ROBO2: variants seen among roughly 807,000 people sequenced by gnomAD.
ROBO2 encodes the protein roundabout guidance receptor 2.
In ROBO2, 53 loss-of-function variants were observed where a neutral mutation model predicts 160.8. The ratio of observed to expected loss-of-function variants is 0.33; its 90% confidence interval spans 0.26 to 0.41. ROBO2 has a LOEUF of 0.41. Ranked by LOEUF, ROBO2 falls within the 10% of genes least tolerant of loss-of-function variation. ROBO2 has a pLI of 1.00. For synonymous variants in ROBO2, 664 were observed against 611.7 expected (o/e 1.09, Z -1.26); for missense variants, 1,577 against 1,722.4 (o/e 0.92, Z 1.49).
intron 2 of ROBO2, among the ~76,000 whole-genome samples, chr3:76,588,318 A>G (rs1421623342): frequency 1.3e-5 from 2 of 152,194 alleles, no homozygotes; most frequent in African/African-American, 4.8e-5. Context: ...AGAAGAATCT[A>G]TTAAATTCCC....
intron 2 of ROBO2, among the ~76,000 whole-genome samples, chr3:76,705,390 A>T (rs927803817): frequency 2.0e-5 from 3 of 152,160 alleles, no homozygotes; most frequent in Non-Finnish European, 2.9e-5. Context: ...TCATACACAC[A>T]GTGATAAATA....
intron 2 of ROBO2, among the ~76,000 whole-genome samples, chr3:76,310,136 C>G (rs2071509837): frequency 6.6e-6 from 1 of 152,186 alleles, no homozygotes; most frequent in South Asian, 2.1e-4. Flanking sequence ...CAAATTAGTT[C>G]ATTTTATATG....
intron 2 of ROBO2, among the ~76,000 whole-genome samples, chr3:77,159,266 A>G (rs549533237): frequency 2.0e-5 from 3 of 152,182 alleles, no homozygotes; most frequent in East Asian, 3.9e-4. Context: ...TGAAAATTCA[A>G]TTTCCCCCAA....
intron 2 of ROBO2, among the ~76,000 whole-genome samples, chr3:77,443,009 A>C (rs890088677): frequency 6.6e-5 from 10 of 152,236 alleles, no homozygotes; most frequent in African/African-American, 2.4e-4. Flanking sequence ...GTCTGAGTGC[A>C]TTGTTAGTTT....
At chr3:76,156,624 A>G (rs1310301859) in intron 2 of ROBO2, among the ~76,000 whole-genome samples, 7 of 152,236 alleles carry the variant, frequency 4.6e-5, no homozygotes, top group Admixed American at 2.0e-4. Context: ...CTTGAGCTCA[A>G]TAACAGCCTT....
chr3:76,709,288 G>A (rs952240102), intron 2 of ROBO2, among the ~76,000 whole-genome samples: 1 of 152,170 alleles, frequency 6.6e-6, no homozygotes, highest in African/African-American at 2.4e-5. Context: ...CATTGGTTCA[G>A]CAGCTCAACA....
At position 77,323,229 on chromosome 3, in the gene ROBO2, C is replaced by T. The variant is rs1161440924; in HGVS notation, c.389-154185C>T. Among the ~76,000 whole-genome samples the T allele has an allele frequency of 1.4e-4, 21 of 151,214 alleles. No individual in the cohort carries two copies. The Admixed American group carries it at 1.4e-3, about 10-fold the overall frequency. On this transcript the variant is annotated intron_variant, in intron 2 of 25. Coordinates refer to ENST00000461745, the Ensembl canonical transcript of ROBO2. ...CACTGACTATCACCCATGTTCCCTC[C>T]TACCTTTACATACTCAAGGATTTCC...
chr3:76,320,904 A>G (rs1437289525), intron 2 of ROBO2, among the ~76,000 whole-genome samples: 1 of 152,234 alleles, frequency 6.6e-6, no homozygotes, highest in Non-Finnish European at 1.5e-5. Flanking sequence ...TGTACACTTC[A>G]TATGGAACAA....
rs1377854643 is a variant in ROBO2 at position 76,119,916 on chromosome 3, C to CCCTCCCTTCCTT, written c.109+182317_109+182318insCCCTTCCTTCCT. 4.2e-4 allele frequency among the ~76,000 whole-genome samples: 37 copies of CCCTCCCTTCCTT among 88,174 alleles called. 1 individual carries two copies. The highest frequency in any genetic ancestry group is 1.6e-3 in the South Asian group (3 of 1,878). The allele number at this position is 88,174 out of a possible 152,430, so 57.8% of individuals were successfully genotyped here. The stretch of plus-strand genomic sequence containing the variant: ...CCTTCCTTCCCTTCCTTCCCTCCCT[C>CCCTCCCTTCCTT]CCTTCCTTCCTTCCTTCCTTCCTTC... On this transcript the variant is annotated intron_variant, in intron 2 of 26. Coordinates refer to the ROBO2 transcript ENST00000487694.
Position 77,482,182 on chromosome 3 carries a change from G to A in ROBO2, c.667+963G>A, listed in dbSNP as rs368385522. Among the ~76,000 whole-genome samples the A allele has an allele frequency of 3.8e-4, 58 of 152,096 alleles. 1 individual carries two copies. The East Asian group carries it at 0.01, about 26-fold the overall frequency. Reference sequence around the variant, plus strand: ...ATAGCAGATATTATGTGATTTTTTAGGAGCAAAAATATCATTGTGATTTTC... The same window carrying A: ...ATAGCAGATATTATGTGATTTTTTAAGAGCAAAAATATCATTGTGATTTTC... On this transcript the variant is annotated intron_variant, in intron 4 of 25. Coordinates refer to ENST00000461745, the Ensembl canonical transcript of ROBO2.
At chr3:76,178,582 A>T (rs2073312194) in intron 2 of ROBO2, among the ~76,000 whole-genome samples, 1 of 151,850 alleles carries the variant, frequency 6.6e-6, no homozygotes, top group Non-Finnish European at 1.5e-5. Flanking sequence ...CACTCATTAG[A>T]ATAATTATCA....
chr3:77,544,631 G>A (rs1364909186), intron 6 of ROBO2, among the ~76,000 whole-genome samples: 4 of 152,018 alleles, frequency 2.6e-5, no homozygotes, highest in Admixed American at 6.6e-5. Context: ...GCTGATCTAC[G>A]TTTACCCCAT....
intron 2 of ROBO2, among the ~76,000 whole-genome samples, chr3:76,625,185 A>G (rs1456674413): frequency 6.6e-6 from 1 of 152,206 alleles, no homozygotes; most frequent in South Asian, 2.1e-4. Flanking sequence ...ATTCCCTGTT[A>G]TATAGCAGAA....
At chr3:77,505,640 G>T (rs1289833839) in intron 5 of ROBO2, among the ~76,000 whole-genome samples, 1 of 152,056 alleles carries the variant, frequency 6.6e-6, no homozygotes, top group African/African-American at 2.4e-5. Flanking sequence ...AATTCTGGAG[G>T]TGTTAAAATA....
At chr3:77,112,193 CAAAAAAAAAA>C (rs373201643) in intron 2 of ROBO2, among the ~76,000 whole-genome samples, 2 of 68,692 alleles carry the variant, frequency 2.9e-5, no homozygotes, top group Admixed American at 1.6e-4. Flanking sequence ...AGACTCGTCT[CAAAAAAAAAA>C]AAAAAAAAAA....
intron 2 of ROBO2, among the ~76,000 whole-genome samples, chr3:76,325,765 T>A (rs558075343): frequency 6.6e-6 from 1 of 151,688 alleles, no homozygotes; most frequent in East Asian, 1.9e-4. Context: ...AGTCAAGTAT[T>A]CCCTGTGAGC....
chr3:77,410,363 T>C (rs2076603943), intron 2 of ROBO2, among the ~76,000 whole-genome samples: 1 of 152,178 alleles, frequency 6.6e-6, no homozygotes, highest in African/African-American at 2.4e-5. Context: ...GAAAAATCTA[T>C]AGCTAATTTT....
At chr3:76,230,274 G>T (rs144795591) in intron 2 of ROBO2, among the ~76,000 whole-genome samples, 10 of 151,518 alleles carry the variant, frequency 6.6e-5, no homozygotes, top group Non-Finnish European at 4.4e-5. Context: ...AGCTTCAAAG[G>T]CTCTCTCTTC....
chr3:76,874,946 A>G (rs75062721), intron 2 of ROBO2, among the ~76,000 whole-genome samples: 4,650 of 152,260 alleles, frequency 0.031, 211 homozygotes, highest in African/African-American at 0.1. Context: ...TTATGGTTCA[A>G]TGTTTTAACA....
Sources: gnomAD v4.1 joint callset for allele counts (sites outside exome capture counted in the v4.1 genomes callset) on GRCh38, gnomAD v4.1.1 for gene constraint, MANE v1.5 for transcripts, NCBI Gene and HGNC (gene_info 2026-07-23, HGNC 2026-07-21) for gene names.